The following PCDH9 variants were observed in gnomAD, a reference collection of about 807,000 sequenced individuals.
The protein encoded by PCDH9 is protocadherin 9.
Under a neutral mutation model 70.6 loss-of-function variants are expected in PCDH9, and 24 were observed. That is an observed-to-expected ratio of 0.34 (90% confidence interval 0.25 to 0.48). The LOEUF (loss-of-function observed/expected upper bound fraction) is 0.48. PCDH9 is among the 20% of genes least tolerant of loss of function. PCDH9 has a pLI of 0.99. For missense variants in PCDH9, 1,281 were observed against 1,503.6 expected, an observed-to-expected ratio of 0.85 and a Z score of 2.45; for synonymous variants, 562 against 558.5, an observed-to-expected ratio of 1.01 and a Z score of -0.09.
At chr13:66,552,459 G>A (rs1364838482) in intron 4 of PCDH9, among the ~76,000 whole-genome samples, 1 of 151,986 alleles carries the variant, frequency 6.6e-6, no homozygotes, top group Non-Finnish European at 1.5e-5. Context: ...TTTGTATGAT[G>A]TGATTCCCTC....
intron 3 of PCDH9, among the ~76,000 whole-genome samples, chr13:66,691,333 C>A (rs2012246): frequency 6.6e-6 from 1 of 152,002 alleles, no homozygotes. Flanking sequence ...CCACCGCACC[C>A]GGCCAACATA....
chr13:66,754,705 A>C (rs1331803640), intron 3 of PCDH9, among the ~76,000 whole-genome samples: 6 of 152,180 alleles, frequency 3.9e-5, no homozygotes, highest in Non-Finnish European at 1.5e-5. Flanking sequence ...ATAGAAATAC[A>C]GCTAGCATTT....
chr13:67,132,465 T>C (rs1352614304), intron 2 of PCDH9, among the ~76,000 whole-genome samples: 1 of 152,154 alleles, frequency 6.6e-6, no homozygotes, highest in Non-Finnish European at 1.5e-5. Flanking sequence ...GTTTACTCTC[T>C]AGTGTATTTA....
chr13:66,380,342 A>G lies in PCDH9; in HGVS notation c.3341-75314T>C, dbSNP rs115683600. 5.7e-3 allele frequency among the ~76,000 whole-genome samples: 875 copies of G among 152,300 alleles called. 9 individuals carry two copies. The highest frequency in any genetic ancestry group is 0.02 in the African/African-American group (824 of 41,564). On this transcript the variant is annotated intron_variant, in intron 4 of 4. Coordinates refer to ENST00000377865, the MANE Select transcript of PCDH9 (RefSeq NM_203487.3). ...TGCTGTCAATACCAATGGCATCTAAAGATATTACATATTCTTTTCCTAGTT... is the reference window on the plus strand; with the variant it reads ...TGCTGTCAATACCAATGGCATCTAAGGATATTACATATTCTTTTCCTAGTT...
At chr13:66,392,635 C>T (rs1468712803) in intron 4 of PCDH9, among the ~76,000 whole-genome samples, 1 of 152,112 alleles carries the variant, frequency 6.6e-6, no homozygotes, top group East Asian at 1.9e-4. Flanking sequence ...AGAGATCAAT[C>T]AGTGGGTTAA....
chr13:66,939,126 A>G (rs1656863804), intron 2 of PCDH9, among the ~76,000 whole-genome samples: 2 of 152,018 alleles, frequency 1.3e-5, no homozygotes, highest in Admixed American at 6.6e-5. Flanking sequence ...ATGTTGAATC[A>G]TTAAAAATTT....
chr13:66,729,050 T>C (rs2079039592), intron 3 of PCDH9, among the ~76,000 whole-genome samples: 1 of 152,106 alleles, frequency 6.6e-6, no homozygotes. Context: ...TTCTGAGCTC[T>C]TAGTCTATAA....
rs549250668 is a variant in PCDH9, at chr13:66,685,150, G to A, written c.3139-53739C>T. 3.9e-5 allele frequency among the ~76,000 whole-genome samples: 6 copies of A among 152,278 alleles called. No individual in the cohort carries two copies. The East Asian group carries it at 1.2e-3, about 29-fold the overall frequency. On this transcript the variant is annotated intron_variant, in intron 3 of 4. Transcript: ENST00000377865. ...AAAATGTCTCCAGGGCATGTCAGAG[G>A]TCTCCAGGGCAGCCCCTCCCATCAC...
intron 4 of PCDH9, among the ~76,000 whole-genome samples, chr13:66,627,365 C>G (rs997211902): frequency 6.6e-6 from 1 of 151,914 alleles, no homozygotes; most frequent in African/African-American, 2.4e-5. Context: ...TATCACTGTA[C>G]CTCACTTCAC....
intron 4 of PCDH9, among the ~76,000 whole-genome samples, chr13:66,590,382 A>G (rs1434587666): frequency 1.3e-5 from 2 of 151,918 alleles, no homozygotes; most frequent in Non-Finnish European, 2.9e-5. Context: ...TAATATTCTA[A>G]ATATATTAAA....
chr13:66,839,283 G>C (rs2081075725), intron 3 of PCDH9, among the ~76,000 whole-genome samples: 1 of 151,942 alleles, frequency 6.6e-6, no homozygotes, highest in South Asian at 2.1e-4. Context: ...ACCTTACATT[G>C]TCTCTAGATA....
intron 4 of PCDH9, among the ~76,000 whole-genome samples, chr13:66,605,761 A>G (rs931195779): frequency 1.3e-5 from 2 of 152,154 alleles, no homozygotes; most frequent in Admixed American, 6.6e-5. Context: ...AGACAATATT[A>G]TACAATATCA....
chr13:67,076,294 G>C (rs964634400), intron 2 of PCDH9, among the ~76,000 whole-genome samples: 5 of 152,096 alleles, frequency 3.3e-5, no homozygotes, highest in Non-Finnish European at 5.9e-5. Flanking sequence ...TAGAGCATTT[G>C]AATTTGTGAG....
rs67490405 is a variant in PCDH9, at chr13:67,110,514, CAAA to C, written c.3036+114888_3036+114890del. 1.1e-4 allele frequency among the ~76,000 whole-genome samples: 9 copies of C among 78,672 alleles called. 1 individual carries two copies. The South Asian group carries it at 3.9e-3, about 34-fold the overall frequency. 51.6% of individuals were successfully genotyped at this position (78,672 alleles called of 152,430 possible). A position where few individuals can be genotyped will look rare whatever the true frequency, so the allele number is the denominator to read the frequency against. ...GGGCGACAGAGACTCCACTCCATCTCAAAAAAAAAAAAAAAAAAAAAGGGACAT... is the reference window on the plus strand; with the variant it reads ...GGGCGACAGAGACTCCACTCCATCTCAAAAAAAAAAAAAAAAAAGGGACAT... On this transcript the variant is annotated intron_variant, in intron 2 of 4. Coordinates refer to ENST00000377865, the MANE Select transcript of PCDH9 (RefSeq NM_203487.3).
intron 3 of PCDH9, among the ~76,000 whole-genome samples, chr13:66,768,830 C>T (rs2079759463): frequency 6.6e-6 from 1 of 151,888 alleles, no homozygotes; most frequent in African/African-American, 2.4e-5. Flanking sequence ...CATTTTATTA[C>T]ATCTTAATGT....
At chr13:66,724,776 C>T (rs1451143048) in intron 3 of PCDH9, among the ~76,000 whole-genome samples, 1 of 152,088 alleles carries the variant, frequency 6.6e-6, no homozygotes, top group Non-Finnish European at 1.5e-5. Context: ...TGTTAACAAC[C>T]ACCAATCAGA....
At chr13:66,710,405 G>A (rs1196856737) in intron 3 of PCDH9, among the ~76,000 whole-genome samples, 2 of 152,004 alleles carry the variant, frequency 1.3e-5, no homozygotes, top group Non-Finnish European at 2.9e-5. Flanking sequence ...AAAATGACAG[G>A]ACACCGATGC....
At chr13:66,944,543 T>C (rs1271930747) in intron 2 of PCDH9, among the ~76,000 whole-genome samples, 3 of 152,182 alleles carry the variant, frequency 2.0e-5, no homozygotes, top group African/African-American at 4.8e-5. Context: ...CTAAGAATTA[T>C]CTGAGTGTAG....
chr13:66,837,160 A>G lies in PCDH9; in HGVS notation c.3138+66344T>C, dbSNP rs78660538. Among the ~76,000 whole-genome samples the G allele has an allele frequency of 8.7e-3, 1,322 of 152,356 alleles. 15 individuals are homozygous for G. Among genetic ancestry groups the G allele is most frequent in the Middle Eastern group, 0.061 (18 of 294 alleles). On this transcript the variant is annotated intron_variant, in intron 3 of 4. Transcript: ENST00000377865. ...CTGCTTCAGCTTGCACTTTTGAGGT[A>G]TACTGTTAGCTGATGCTTTTTATTT...
Sources: gnomAD v4.1 joint callset for allele counts (sites outside exome capture counted in the v4.1 genomes callset) on GRCh38, gnomAD v4.1.1 for gene constraint, MANE v1.5 for transcripts, NCBI Gene and HGNC (gene_info 2026-07-23, HGNC 2026-07-21) for gene names.